Variants in RANBP17 observed in about 807,000 individuals in gnomAD.
RANBP17 encodes the protein RAN binding protein 17, also known as ran-binding protein 17.
Under a neutral mutation model 141.2 loss-of-function variants are expected in RANBP17, and 158 were observed. That is an observed-to-expected ratio of 1.12 (90% CI 0.98 to 1.28). The LOEUF (loss-of-function observed/expected upper bound fraction) is 1.28, where lower values mean the gene tolerates loss of function less well. Ranked by LOEUF, RANBP17 falls within the 50% of genes most tolerant of loss-of-function variation. The pLI, the probability that RANBP17 is intolerant of heterozygous loss-of-function variation, is 0.00. For missense variants in RANBP17, 1,438 were observed against 1,290.7 expected (o/e 1.11, Z -1.75); for synonymous variants, 430 against 450.0 (o/e 0.96, Z 0.56).
At chr5:170,945,288 A>T (rs911285900) in intron 12 of RANBP17, among the ~76,000 whole-genome samples, 7 of 152,200 alleles carry the variant, frequency 4.6e-5, no homozygotes, top group African/African-American at 1.7e-4. Context: ...TTTCTTGAGC[A>T]GCATCTGACG....
At chr5:171,001,175 G>A (rs1177925416) in intron 14 of RANBP17, among the ~76,000 whole-genome samples, 1 of 152,160 alleles carries the variant, frequency 6.6e-6, no homozygotes, top group Non-Finnish European at 1.5e-5. Flanking sequence ...GGGGCAGCAT[G>A]AGAACCTGCA....
chr5:171,186,970 G>A lies in RANBP17; in HGVS notation c.2038+3540G>A, dbSNP rs78790135. Among the ~76,000 whole-genome samples, 416 of 152,128 alleles carry A rather than the reference G, an allele frequency of 2.7e-3. 9 individuals are homozygous for A. In the East Asian group the frequency reaches 0.044, roughly 16 times the overall value. ...GGCTAACTGGTGCAGGAGACCCAGC[G>A]TTTGACCTATTAAAGCTTTTGACAT... On this transcript the variant is annotated intron_variant, in intron 18 of 27. Transcript: ENST00000523189.
At chr5:170,961,046 C>G (rs1425964971) in intron 13 of RANBP17, among the ~76,000 whole-genome samples, 1 of 152,136 alleles carries the variant, frequency 6.6e-6, no homozygotes, top group Non-Finnish European at 1.5e-5. Context: ...GCACCCGGCC[C>G]CCTGCCCCTT....
intron 22 of RANBP17, among the ~76,000 whole-genome samples, chr5:171,229,799 C>T (rs1764098545): frequency 6.7e-6 from 1 of 148,660 alleles, no homozygotes; most frequent in Non-Finnish European, 1.5e-5. Context: ...GGCGCAGTGG[C>T]TCACACCTGT....
At chr5:171,213,780 AG>A in intron 21 of RANBP17, 42 bp downstream of exon 21, 1 of 1,384,336 alleles carries the variant, frequency 7.2e-7, no homozygotes, top group Non-Finnish European at 1.0e-6. Context: ...GTCTACTATT[AG>A]CGGAAATCTC....
At chr5:170,894,478 C>T (rs1165329752) in intron 4 of RANBP17, among the ~76,000 whole-genome samples, 3 of 43,962 alleles carry the variant, frequency 6.8e-5, no homozygotes, top group Non-Finnish European at 1.4e-4. Flanking sequence ...ATAGTTAGTA[C>T]GTGTTTTTTA....
At chr5:171,113,743 G>A (rs1755412401) in intron 14 of RANBP17, among the ~76,000 whole-genome samples, 1 of 152,202 alleles carries the variant, frequency 6.6e-6, no homozygotes, top group South Asian at 2.1e-4. Flanking sequence ...AGGTCTCAAA[G>A]TGAGTTTCAG....
intron 14 of RANBP17, among the ~76,000 whole-genome samples, chr5:171,058,763 T>C (rs907516019): frequency 1.3e-3 from 191 of 150,776 alleles, no homozygotes; most frequent in African/African-American, 4.3e-3. Context: ...GTTGAACTAG[T>C]TCACAGTCCC....
In RANBP17 at chr5:171,042,999, A is replaced by C. The variant is rs565266889; in HGVS notation, c.1710+74622A>C. Among the ~76,000 whole-genome samples, 614 of 152,326 alleles carry C rather than the reference A, an allele frequency of 4.0e-3. 3 individuals carry two copies. The highest frequency in any genetic ancestry group is 0.014 in the African/African-American group (579 of 41,590). ...AAGTGGATGAATATGGGATAACTTC[A>C]GAAAAAAGAGATATAGCTGATGGTG... On this transcript the variant is annotated intron_variant, in intron 14 of 27. Transcript: ENST00000523189.
chr5:170,900,489 G>C (rs1770538966), intron 5 of RANBP17, among the ~76,000 whole-genome samples: 1 of 152,018 alleles, frequency 6.6e-6, no homozygotes, highest in African/African-American at 2.4e-5. Context: ...ACTTTTTGAA[G>C]GGTTGTTCGT....
intron 14 of RANBP17, among the ~76,000 whole-genome samples, chr5:170,997,787 TATA>T (rs1778917031): frequency 6.6e-6 from 1 of 152,114 alleles, no homozygotes; most frequent in Non-Finnish European, 1.5e-5. Context: ...TATTAAATAA[TATA>T]ATAAGATCTC....
chr5:171,189,361 C>T (rs1050301019), intron 18 of RANBP17, among the ~76,000 whole-genome samples: 1 of 152,304 alleles, frequency 6.6e-6, no homozygotes, highest in African/African-American at 2.4e-5. Context: ...GTTGTGTAAA[C>T]TACCAGAGCT....
At chr5:170,951,334 C>T (rs1194826865) in intron 12 of RANBP17, among the ~76,000 whole-genome samples, 1 of 151,678 alleles carries the variant, frequency 6.6e-6, no homozygotes, top group African/African-American at 2.4e-5. Flanking sequence ...TCACATGTAC[C>T]CCACAAGTAT....
At chr5:171,157,849 G>A (rs1759015598) in intron 14 of RANBP17, among the ~76,000 whole-genome samples, 1 of 152,230 alleles carries the variant, frequency 6.6e-6, no homozygotes, top group Non-Finnish European at 1.5e-5. Flanking sequence ...GATACAAAAT[G>A]TAAGAGCTAT....
intron 14 of RANBP17, among the ~76,000 whole-genome samples, chr5:171,025,662 A>C (rs1781189805): frequency 6.6e-6 from 1 of 150,700 alleles, no homozygotes; most frequent in African/African-American, 2.4e-5. Flanking sequence ...TGCAGCCCTG[A>C]ATTCCTGAGT....
At chr5:171,049,522 T>C (rs547013269) in intron 14 of RANBP17, among the ~76,000 whole-genome samples, 1 of 152,236 alleles carries the variant, frequency 6.6e-6, no homozygotes, top group Non-Finnish European at 1.5e-5. Flanking sequence ...GCTTTTGATA[T>C]CTTTGTCATG....
At chr5:171,225,058 T>C (rs1250579393) in intron 22 of RANBP17, among the ~76,000 whole-genome samples, 1 of 152,202 alleles carries the variant, frequency 6.6e-6, no homozygotes, top group Non-Finnish European at 1.5e-5. Context: ...TGATTACTGT[T>C]GTGAAGAAAT....
At chr5:171,007,636 C>T (rs773886158) in intron 14 of RANBP17, among the ~76,000 whole-genome samples, 7 of 151,992 alleles carry the variant, frequency 4.6e-5, no homozygotes, top group Non-Finnish European at 7.4e-5. Flanking sequence ...AATGCCTGGA[C>T]GTAGGGCATC....
chr5:171,065,232 A>C (rs1247329223), intron 14 of RANBP17, among the ~76,000 whole-genome samples: 1 of 152,052 alleles, frequency 6.6e-6, no homozygotes, highest in East Asian at 1.9e-4. Context: ...TATTCCCTAC[A>C]CCAACCATCC....
Sources: allele counts gnomAD v4.1 joint callset (sites outside exome capture counted in the v4.1 genomes callset), GRCh38; gene constraint gnomAD v4.1.1; transcripts MANE v1.5; gene names NCBI Gene and HGNC (gene_info 2026-07-23, HGNC 2026-07-21).